Variants in PLCG2 observed in about 807,000 individuals in gnomAD.
PLCG2 encodes phospholipase C gamma 2.
Under a neutral mutation model 175.6 loss-of-function variants are expected in PLCG2, and 69 were observed. That is an observed-to-expected ratio of 0.39 (90% confidence interval 0.32 to 0.48). The LOEUF is 0.48. Among genes scored for constraint, PLCG2 ranks in the 20% least tolerant of loss-of-function variants. PLCG2 has a pLI of 0.91. For missense variants in PLCG2, 1,798 were observed against 1,650.9 expected (o/e 1.09, Z -1.54); for synonymous variants, 827 against 624.0 (o/e 1.33, Z -4.85).
intron 2 of PLCG2, among the ~76,000 whole-genome samples, chr16:81,844,391 C>T (rs955217922): frequency 6.6e-6 from 1 of 152,108 alleles, no homozygotes; most frequent in Non-Finnish European, 1.5e-5. Context: ...TCTTGGCTCA[C>T]TGCAACCTCT....
chr16:81,798,270 TA>T (rs1567469536), intron 2 of PLCG2, among the ~76,000 whole-genome samples: 6 of 152,178 alleles, frequency 3.9e-5, no homozygotes, highest in African/African-American at 1.4e-4. Context: ...CATGCTGCCA[TA>T]TGTCTCCTCA....
At chr16:81,957,842 T>C (rs1445855078) in intron 32 of PLCG2, 114 bp from the exon 33 acceptor site, 13 of 906,374 alleles carry the variant, frequency 1.4e-5, no homozygotes, top group Admixed American at 3.8e-5. Context: ...CTCAGCCCTA[T>C]ACCATCCAGC....
In PLCG2 at chr16:81,841,248, A is replaced by C. The variant is rs1432521889; in HGVS notation, c.194-13196A>C. ...TATTTATTTATTTATTTATTTATTTATTTATTGAGATAGAGTCTCACTGAG... is the reference window on the plus strand; with the variant it reads ...TATTTATTTATTTATTTATTTATTTCTTTATTGAGATAGAGTCTCACTGAG... On this transcript the variant is annotated intron_variant, in intron 2 of 32. Coordinates refer to ENST00000564138, the MANE Select transcript of PLCG2 (RefSeq NM_002661.5). Among the ~76,000 whole-genome samples, 10 of 136,100 alleles carry C rather than the reference A, an allele frequency of 7.3e-5. No homozygotes were observed. In the East Asian group the frequency reaches 2.5e-3, roughly 34 times the overall value. 89.3% of individuals were successfully genotyped at this position (136,100 alleles called of 152,430 possible).
intron 2 of PLCG2, among the ~76,000 whole-genome samples, chr16:81,853,474 G>T (rs1327959141): frequency 6.6e-6 from 1 of 152,176 alleles, no homozygotes; most frequent in African/African-American, 2.4e-5. Context: ...GATGGTGGGG[G>T]CAGTGGGGGG....
At chr16:81,791,841 A>G (rs1231156832) in intron 2 of PLCG2, among the ~76,000 whole-genome samples, 1 of 152,180 alleles carries the variant, frequency 6.6e-6, no homozygotes, top group Non-Finnish European at 1.5e-5. Flanking sequence ...CTGGGATTAC[A>G]GGCATGAACC....
chr16:81,927,653 C>G (rs1263981580), intron 23 of PLCG2, among the ~76,000 whole-genome samples: 1 of 152,158 alleles, frequency 6.6e-6, no homozygotes, highest in African/African-American at 2.4e-5. Context: ...TTTCAGCGTG[C>G]TAGCACTCCA....
chr16:81,935,393 G>T (rs1020657383), intron 26 of PLCG2: 2 of 268,324 alleles, frequency 7.5e-6, no homozygotes, highest in African/African-American at 4.6e-5. Flanking sequence ...ACAGGCTCCA[G>T]ATATTAGGGC....
intron 19 of PLCG2, among the ~76,000 whole-genome samples, chr16:81,919,126 A>T (rs892577609): frequency 6.6e-5 from 10 of 152,198 alleles, no homozygotes; most frequent in South Asian, 4.1e-4. Flanking sequence ...GCTGTGTTTC[A>T]ATAAAGCTTT....
rs149239175 is a variant in PLCG2 at position 81,924,558 on chromosome 16, G to A, written c.2417+964G>A. On this transcript the variant is annotated intron_variant, in intron 22 of 32. Transcript: ENST00000564138. ...CACATAGCAGGCTGAGATTTGAACC[G>A]CCAGGCCTTTTGACTCCAGAGCTTA... Among the ~76,000 whole-genome samples the A allele has an allele frequency of 7.9e-4, 120 of 152,294 alleles. No individual in the cohort carries two copies. In the East Asian group the frequency reaches 0.013, roughly 17 times the overall value.
chr16:81,929,475 A>G (rs1304794831), intron 24 of PLCG2, among the ~76,000 whole-genome samples: 4 of 152,210 alleles, frequency 2.6e-5, no homozygotes, highest in Non-Finnish European at 5.9e-5. Flanking sequence ...GGCTCACTGC[A>G]ACCTCTGCCT....
intron 2 of PLCG2, among the ~76,000 whole-genome samples, chr16:81,756,122 A>G (rs913194997): frequency 6.6e-6 from 1 of 152,246 alleles, no homozygotes; most frequent in Non-Finnish European, 1.5e-5. Context: ...TAGGATGGCC[A>G]TAAAGCAGGG....
intron 2 of PLCG2, chr16:81,755,970 A>T (rs144068294): frequency 6.5e-6 from 1 of 152,688 alleles, no homozygotes; most frequent in East Asian, 1.9e-4. Flanking sequence ...CCCCCAGGTA[A>T]GCACATGGCC....
chr16:81,875,293 C>T (rs1230891116), intron 7 of PLCG2, among the ~76,000 whole-genome samples: 2 of 151,792 alleles, frequency 1.3e-5, no homozygotes, highest in Non-Finnish European at 1.5e-5. Context: ...ACATTTAATT[C>T]CCCCCTAGAG....
At chr16:81,904,131 C>T (rs1909265169) in intron 14 of PLCG2, among the ~76,000 whole-genome samples, 2 of 152,150 alleles carry the variant, frequency 1.3e-5, no homozygotes, top group African/African-American at 4.8e-5. Flanking sequence ...GGTGGTCTGC[C>T]CTCAGAGCCT....
At position 81,825,068 on chromosome 16, in the gene PLCG2, C is replaced by T. The variant is rs375123752; in HGVS notation, c.194-29376C>T. On this transcript the variant is annotated intron_variant, in intron 2 of 32. Transcript: ENST00000564138. ...CAATGGGTGGATTCCCCCTTGGAGC[C>T]TCCAGAAGGAACACAGCCCTGCTGA... is the stretch of plus-strand genomic sequence containing the variant. Among the ~76,000 whole-genome samples, 16 of 152,300 alleles carry T rather than the reference C, an allele frequency of 1.1e-4. No homozygotes were observed. In the East Asian group the frequency reaches 1.5e-3, roughly 15 times the overall value.
intron 5 of PLCG2, among the ~76,000 whole-genome samples, chr16:81,866,717 G>C (rs1319445272): frequency 6.7e-6 from 1 of 149,514 alleles, no homozygotes; most frequent in Non-Finnish European, 1.5e-5. Flanking sequence ...GCTCCACTGG[G>C]CACCAGCATG....
chr16:81,956,654 TG>T (rs1911580273), intron 31 of PLCG2, 40 bp from the exon 32 acceptor site: 1 of 1,568,914 alleles, frequency 6.4e-7, no homozygotes, highest in Non-Finnish European at 8.7e-7. Flanking sequence ...GTTTGGAAGG[TG>T]TAGTCACCAC....
intron 2 of PLCG2, among the ~76,000 whole-genome samples, chr16:81,849,146 A>T (rs567166818): frequency 6.6e-6 from 1 of 152,242 alleles, no homozygotes; most frequent in South Asian, 2.1e-4. Context: ...CCTTACAGCA[A>T]TGGGACGTCA....
intron 31 of PLCG2, among the ~76,000 whole-genome samples, chr16:81,954,492 G>A (rs1231905496): frequency 1.3e-5 from 2 of 152,136 alleles, no homozygotes; most frequent in Non-Finnish European, 2.9e-5. Flanking sequence ...AGTCCCACAT[G>A]CATTCCCCAT....
Sources: allele counts gnomAD v4.1 joint callset (sites outside exome capture counted in the v4.1 genomes callset), GRCh38; gene constraint gnomAD v4.1.1; transcripts MANE v1.5; gene names NCBI Gene and HGNC (gene_info 2026-07-23, HGNC 2026-07-21).